POLN: variants seen among roughly 807,000 people sequenced by gnomAD.
POLN encodes DNA polymerase N.
Under a neutral mutation model 113.5 loss-of-function variants are expected in POLN, and 108 were observed. That is an observed-to-expected ratio of 0.95 (90% CI 0.81 to 1.12). The LOEUF (loss-of-function observed/expected upper bound fraction) is 1.12. Among genes scored for constraint, POLN ranks in the 50% most tolerant of loss-of-function variants. POLN has a pLI of 0.00. For missense variants in POLN, 1,097 were observed against 1,077.1 expected (o/e 1.02, Z -0.26); for synonymous variants, 386 against 391.5 (o/e 0.99, Z 0.17).
At chr4:2,185,636 C>T (rs10031255) in intron 7 of POLN, among the ~76,000 whole-genome samples, 37,419 of 151,972 alleles carry the variant, frequency 0.25, 7,109 homozygotes, top group African/African-American at 0.51. Flanking sequence ...ATCCCAGCTA[C>T]TCAAGAGGCT....
At chr4:2,147,293 G>A (rs1732167352) in intron 16 of POLN, among the ~76,000 whole-genome samples, 3 of 152,194 alleles carry the variant, frequency 2.0e-5, no homozygotes, top group Non-Finnish European at 4.4e-5. Flanking sequence ...GTGTGATAAG[G>A]AGGTATTAGA....
chr4:2,100,097 A>AAG (rs1185829821), intron 19 of POLN, among the ~76,000 whole-genome samples: 1 of 151,472 alleles, frequency 6.6e-6, no homozygotes, highest in Non-Finnish European at 1.5e-5. Context: ...AAAAAGAAAA[A>AAG]AGAGAGAGAG....
intron 5 of POLN, among the ~76,000 whole-genome samples, chr4:2,201,714 C>T (rs963049718): frequency 5.3e-5 from 8 of 152,154 alleles, no homozygotes; most frequent in Non-Finnish European, 1.2e-4. Flanking sequence ...CTGGGAAATT[C>T]ATTGCAAAAA....
Position 2,179,469 on chromosome 4 carries a change from A to C in POLN, c.1022-4T>G, listed in dbSNP as rs1340927091. 2 of 1,612,690 alleles carry C rather than the reference A, an allele frequency of 1.2e-6. No homozygotes were observed. Among genetic ancestry groups the C allele is most frequent in the Admixed American group, 1.7e-5 (1 of 59,734 alleles). On this transcript the variant is annotated splice_region_variant and splice_polypyrimidine_tract_variant and intron_variant, in intron 7 of 25. Transcript: ENST00000511885. Reference sequence around the variant, plus strand: ...TCTAGCCCTATAAAATCAGCAACTGAAGAGAAAAAGGTCATTCAGTCATCC... The same window carrying C: ...TCTAGCCCTATAAAATCAGCAACTGCAGAGAAAAAGGTCATTCAGTCATCC...
At chr4:2,141,366 C>T (rs549742461) in intron 16 of POLN, among the ~76,000 whole-genome samples, 2 of 152,338 alleles carry the variant, frequency 1.3e-5, no homozygotes, top group Admixed American at 6.5e-5. Context: ...TCTCCTTCCA[C>T]TCACACTTCT....
chr4:2,191,863 G>A (rs1452783458), intron 7 of POLN, among the ~76,000 whole-genome samples: 1 of 151,928 alleles, frequency 6.6e-6, no homozygotes, highest in African/African-American at 2.4e-5. Flanking sequence ...CAGGCGCAGT[G>A]GGTCACTTTG....
intron 20 of POLN, chr4:2,089,953 T>C: frequency 4.2e-6 from 4 of 962,780 alleles, no homozygotes; most frequent in Non-Finnish European, 4.9e-6. Context: ...TGAAAGTTCT[T>C]TTGTTAACCT....
chr4:2,215,542 C>G (rs1183431628), intron 3 of POLN, among the ~76,000 whole-genome samples: 2 of 152,210 alleles, frequency 1.3e-5, no homozygotes, highest in African/African-American at 4.8e-5. Flanking sequence ...TTTTATACCC[C>G]TGCACAAACT....
chr4:2,217,493 T>C (rs1376023572), intron 3 of POLN, among the ~76,000 whole-genome samples: 2 of 152,222 alleles, frequency 1.3e-5, no homozygotes, highest in African/African-American at 2.4e-5. Flanking sequence ...CAACTTGCAA[T>C]GGACAGCTGC....
intron 8 of POLN, 81 bp downstream of exon 8, chr4:2,179,227 A>G (rs1733071958): frequency 7.8e-7 from 1 of 1,276,104 alleles, no homozygotes; most frequent in Non-Finnish European, 1.1e-6. Context: ...TTTTACTATT[A>G]GGCTATCAAT....
chr4:2,193,276 T>C lies in POLN; in HGVS notation c.949A>G (p.Ile317Val). Reference protein sequence around the residue: ...FQTMKCKCPVICFNAKDFVRI... With the variant: ...FQTMKCKCPVVCFNAKDFVRI... ...ACAAAATCCTTAGCATTAAAACAAA[T>C]AACAGGACATTTACATTTCATTGTT... The change falls in exon 7 of 26, where the codon ATT (isoleucine) becomes GTT (valine). Residue 317 changes from isoleucine to valine, a missense_variant. Physicochemically the swap from Ile to Val is conservative, Grantham distance 29 (BLOSUM62 3). Transcript: ENST00000511885. The C allele has an allele frequency of 6.2e-7, 1 of 1,610,194 alleles. No individual in the cohort carries two copies. Among genetic ancestry groups the C allele is most frequent in the Middle Eastern group, 1.7e-4 (1 of 6,048 alleles).
rs76011278 is a variant in POLN at position 2,238,210 on chromosome 4, G to A, written c.-13+3310C>T. 4.1e-3 allele frequency among the ~76,000 whole-genome samples: 631 copies of A among 152,152 alleles called. 6 individuals carry two copies. The highest frequency in any genetic ancestry group is 0.015 in the African/African-American group (608 of 41,498). ...TCTCCTGACTACACACAAAAATGAA[G>A]TCTTCTCCCCTCTCTACTGCTACCT... On this transcript the variant is annotated intron_variant, in intron 2 of 25. Coordinates refer to ENST00000511885, the MANE Select transcript of POLN (RefSeq NM_181808.4).
chr4:2,159,698 A>G (rs1420290734), intron 13 of POLN, among the ~76,000 whole-genome samples: 1 of 152,178 alleles, frequency 6.6e-6, no homozygotes, highest in Non-Finnish European at 1.5e-5. Context: ...AAACATTCCA[A>G]TCTCCCCAGT....
rs149208248 is a variant in POLN at position 2,195,089 on chromosome 4, T to C, written c.909-1773A>G. Among the ~76,000 whole-genome samples the C allele has an allele frequency of 9.8e-4, 150 of 152,322 alleles. 1 individual carries two copies. Among genetic ancestry groups the C allele is most frequent in the African/African-American group, 3.4e-3 (142 of 41,570 alleles). Reference sequence around the variant, plus strand: ...GAAAGGCCTTGCACAGGTCATTTAATAAATGTTATTAAACATGTTTTTGTG... The same window carrying C: ...GAAAGGCCTTGCACAGGTCATTTAACAAATGTTATTAAACATGTTTTTGTG... On this transcript the variant is annotated intron_variant, in intron 6 of 25. Transcript: ENST00000511885.
At chr4:2,143,927 G>A (rs1051958122) in intron 16 of POLN, among the ~76,000 whole-genome samples, 1 of 151,994 alleles carries the variant, frequency 6.6e-6, no homozygotes, top group Non-Finnish European at 1.5e-5. Flanking sequence ...CCCAAAACTG[G>A]AAACAACCCA....
chr4:2,226,215 C>A (rs1734387575), intron 3 of POLN, among the ~76,000 whole-genome samples: 1 of 152,138 alleles, frequency 6.6e-6, no homozygotes, highest in Admixed American at 6.5e-5. Flanking sequence ...TGTCTTGGAG[C>A]CTCCCTTGGA....
intron 17 of POLN, among the ~76,000 whole-genome samples, chr4:2,129,745 G>GT (rs894772305): frequency 2.2e-4 from 34 of 151,994 alleles, no homozygotes; most frequent in Admixed American, 1.3e-3. Context: ...TAGGTTTTCT[G>GT]TTTTTTTTAA....
chr4:2,139,782 T>C (rs930587176), intron 16 of POLN: 2 of 152,174 alleles, frequency 1.3e-5, no homozygotes, highest in African/African-American at 4.8e-5. Context: ...AAAAATAACA[T>C]GGCAACAACG....
At position 2,239,026 on chromosome 4, in the gene POLN, AT is replaced by A; in HGVS notation, c.-13+2493del. 2.6e-6 allele frequency: 4 copies of A among 1,531,782 alleles called. No homozygotes were observed. In the South Asian group the frequency reaches 5.2e-5, roughly 20 times the overall value. 94.9% of individuals were successfully genotyped at this position (1,531,782 alleles called of 1,614,324 possible). On this transcript the variant is annotated intron_variant, in intron 2 of 25. Coordinates refer to ENST00000511885, the MANE Select transcript of POLN (RefSeq NM_181808.4). ...TCAAGCTAGAAATTTTAGCATCCAA[AT>A]TTTCTTTGTCCACAGCCTATACAAA...
Sources: gnomAD v4.1 joint callset for allele counts (sites outside exome capture counted in the v4.1 genomes callset) on GRCh38, gnomAD v4.1.1 for gene constraint, MANE v1.5 for transcripts, NCBI Gene and HGNC (gene_info 2026-07-23, HGNC 2026-07-21) for gene names.